STK24: variants seen among roughly 807,000 people sequenced by gnomAD.
STK24 encodes serine/threonine-protein kinase 24.
A neutral mutation model predicts 55.6 loss-of-function variants in STK24; 21 were observed. That is an observed-to-expected ratio of 0.38 (90% CI 0.27 to 0.54). STK24 has a LOEUF of 0.54. STK24 is among the 20% of genes least tolerant of loss of function. The pLI is 0.79. For synonymous variants in STK24, 200 were observed against 215.2 expected (o/e 0.93, Z 0.62); for missense variants, 383 against 538.4 (o/e 0.71, Z 2.86).
intron 1 of STK24, among the ~76,000 whole-genome samples, chr13:98,567,442 A>G (rs1417109162): frequency 7.9e-5 from 12 of 152,216 alleles, no homozygotes; most frequent in Non-Finnish European, 1.5e-4. Context: ...CATAAACTTA[A>G]GCAAGCGTTT....
At chr13:98,518,813 T>G (rs1313394166) in intron 2 of STK24, among the ~76,000 whole-genome samples, 1 of 152,240 alleles carries the variant, frequency 6.6e-6, no homozygotes, top group Non-Finnish European at 1.5e-5. Context: ...CTAACCAACA[T>G]TATCAATTCT....
At chr13:98,531,601 C>G (rs890517547) in intron 1 of STK24, among the ~76,000 whole-genome samples, 5 of 152,170 alleles carry the variant, frequency 3.3e-5, no homozygotes, top group African/African-American at 1.2e-4. Context: ...AAACATCAAG[C>G]TCCTGATTTT....
At chr13:98,517,269 T>C (rs948895569) in intron 2 of STK24, among the ~76,000 whole-genome samples, 1 of 152,258 alleles carries the variant, frequency 6.6e-6, no homozygotes, top group African/African-American at 2.4e-5. Flanking sequence ...TCACAGGGAA[T>C]AGTACGCAGT....
chr13:98,470,276 A>G (rs982955361), intron 5 of STK24, among the ~76,000 whole-genome samples: 7 of 149,986 alleles, frequency 4.7e-5, no homozygotes, highest in African/African-American at 1.7e-4. Context: ...ATGCCCAGCT[A>G]ATTTTTAAAT....
intron 6 of STK24, among the ~76,000 whole-genome samples, chr13:98,465,255 G>T (rs1318092901): frequency 6.6e-6 from 1 of 152,194 alleles, no homozygotes; most frequent in Non-Finnish European, 1.5e-5. Context: ...GAGAAACGTG[G>T]ATCACCTCAA....
intron 2 of STK24, among the ~76,000 whole-genome samples, chr13:98,510,469 CTTGTACACGAA>C (rs1486113105): frequency 6.6e-6 from 1 of 152,218 alleles, no homozygotes; most frequent in African/African-American, 2.4e-5. Context: ...CACACAAAAA[CTTGTACACGAA>C]TGTTCATGGG....
intron 2 of STK24, among the ~76,000 whole-genome samples, chr13:98,517,607 G>T (rs745475981): frequency 1.6e-4 from 24 of 152,016 alleles, no homozygotes; most frequent in Non-Finnish European, 3.1e-4. Flanking sequence ...TCCAGTCTGG[G>T]TTACACAGCA....
chr13:98,503,024 G>GTTTTTTTTT (rs398038978), intron 2 of STK24, among the ~76,000 whole-genome samples: 14,997 of 106,268 alleles, frequency 0.14, 2,319 homozygotes, highest in Non-Finnish European at 0.2. Context: ...CTTTCCATGT[G>GTTTTTTTTT]TTTTTTTTTT....
intron 1 of STK24, among the ~76,000 whole-genome samples, chr13:98,524,728 G>A (rs999985975): frequency 2.0e-5 from 3 of 152,244 alleles, no homozygotes; most frequent in African/African-American, 7.2e-5. Context: ...AAGTGTCTAT[G>A]GGGTGTCAGG....
At chr13:98,502,165 ACTCAGGGTGAC>A (rs771395777) in intron 2 of STK24, among the ~76,000 whole-genome samples, 8 of 152,118 alleles carry the variant, frequency 5.3e-5, no homozygotes, top group Non-Finnish European at 1.2e-4. Flanking sequence ...CCAAGCACTT[ACTCAGGGTGAC>A]ATCTGCCTGG....
intron 1 of STK24, among the ~76,000 whole-genome samples, chr13:98,574,008 TTTTTA>T (rs956462682): frequency 9.5e-5 from 14 of 146,672 alleles, no homozygotes; most frequent in African/African-American, 2.0e-4. Context: ...CTGCTTTATT[TTTTTA>T]TTTTATTTTT....
chr13:98,506,577 G>A (rs1037923177), intron 2 of STK24, among the ~76,000 whole-genome samples: 6 of 152,168 alleles, frequency 3.9e-5, no homozygotes, highest in South Asian at 2.1e-4. Flanking sequence ...CAGCTCCTCC[G>A]TTATCAATCA....
intron 2 of STK24, among the ~76,000 whole-genome samples, 158 bp downstream of exon 2, chr13:98,519,085 G>T (rs572690804): frequency 6.6e-6 from 1 of 152,220 alleles, no homozygotes. Flanking sequence ...TTGAGATGAT[G>T]GAACTATCAA....
intron 1 of STK24, among the ~76,000 whole-genome samples, chr13:98,568,864 A>C (rs974706396): frequency 6.6e-6 from 1 of 152,160 alleles, no homozygotes; most frequent in Admixed American, 6.5e-5. Flanking sequence ...GCGAGACTCC[A>C]TCTCGAAAAA....
At chr13:98,488,031 C>T (rs557997878) in intron 2 of STK24, among the ~76,000 whole-genome samples, 6 of 152,160 alleles carry the variant, frequency 3.9e-5, no homozygotes, top group Admixed American at 3.9e-4. Flanking sequence ...CACACACCCA[C>T]GATTCACATG....
chr13:98,547,640 G>A (rs1167063469), intron 1 of STK24, among the ~76,000 whole-genome samples: 1 of 152,228 alleles, frequency 6.6e-6, no homozygotes, highest in Non-Finnish European at 1.5e-5. Flanking sequence ...GACACCTCTT[G>A]TCCAGGATTC....
intron 1 of STK24, among the ~76,000 whole-genome samples, chr13:98,523,892 G>A (rs1896344235): frequency 1.3e-5 from 2 of 152,214 alleles, no homozygotes; most frequent in Non-Finnish European, 2.9e-5. Context: ...GCCCATGCTT[G>A]ACTCTAGGTC....
At chr13:98,498,308 AG>A (rs1163336088) in intron 2 of STK24, among the ~76,000 whole-genome samples, 2 of 152,268 alleles carry the variant, frequency 1.3e-5, no homozygotes, top group African/African-American at 4.8e-5. Context: ...GTGAAAGACT[AG>A]GATGAACTAA....
At chr13:98,491,193 C>T (rs1756053581) in intron 2 of STK24, among the ~76,000 whole-genome samples, 1 of 152,228 alleles carries the variant, frequency 6.6e-6, no homozygotes. Context: ...GACCTACACC[C>T]CTTCTCATCT....
Sources: allele counts gnomAD v4.1 joint callset (sites outside exome capture counted in the v4.1 genomes callset), GRCh38; gene constraint gnomAD v4.1.1; transcripts MANE v1.5; gene names NCBI Gene and HGNC (gene_info 2026-07-23, HGNC 2026-07-21).